PPM1H: variants seen among roughly 807,000 people sequenced by gnomAD.
The protein encoded by PPM1H is protein phosphatase 1H.
In PPM1H, 27 loss-of-function variants were observed where a neutral mutation model predicts 54.9. That is an observed-to-expected ratio of 0.49 (90% CI 0.36 to 0.68). The LOEUF (loss-of-function observed/expected upper bound fraction) is 0.68. PPM1H is among the 30% of genes least tolerant of loss of function. The pLI is 0.00. For synonymous variants in PPM1H, 305 were observed against 270.8 expected (o/e 1.13, Z -1.24); for missense variants, 596 against 667.8 (o/e 0.89, Z 1.19).
chr12:62,789,395 G>A (rs1286296530), intron 3 of PPM1H, among the ~76,000 whole-genome samples: 7 of 152,194 alleles, frequency 4.6e-5, no homozygotes, highest in Admixed American at 4.6e-4. Flanking sequence ...ACAGGCAGGA[G>A]TCAAGCCATG....
intron 4 of PPM1H, among the ~76,000 whole-genome samples, chr12:62,777,669 C>CA (rs2076619247): frequency 6.6e-6 from 1 of 151,914 alleles, no homozygotes; most frequent in African/African-American, 2.4e-5. Flanking sequence ...AAAAACATAC[C>CA]AAAGAACTGC....
chr12:62,679,010 C>G (rs1209781027), intron 8 of PPM1H, among the ~76,000 whole-genome samples: 1 of 151,886 alleles, frequency 6.6e-6, no homozygotes. Flanking sequence ...TTTTTTGAGA[C>G]AGAGTCTCGC....
At chr12:62,779,816 T>A (rs1364237255) in intron 4 of PPM1H, among the ~76,000 whole-genome samples, 3 of 152,238 alleles carry the variant, frequency 2.0e-5, no homozygotes, top group Non-Finnish European at 4.4e-5. Flanking sequence ...ACCCCATAAC[T>A]GACAAATATT....
intron 4 of PPM1H, among the ~76,000 whole-genome samples, chr12:62,757,029 T>C (rs1592582824): frequency 6.6e-6 from 1 of 151,916 alleles, no homozygotes; most frequent in Admixed American, 6.6e-5. Context: ...GGGGAAAGGG[T>C]GGATGACCAG....
chr12:62,689,811 G>A lies in PPM1H; in HGVS notation c.1138-5C>T, dbSNP rs1431569428. Reference sequence around the variant, plus strand: ...AATAGTTGCCATTACCCGGGCCTAGGAGTATAAGCAGAGGGTCATCAGAAA... The same window carrying A: ...AATAGTTGCCATTACCCGGGCCTAGAAGTATAAGCAGAGGGTCATCAGAAA... On this transcript the variant is annotated splice_region_variant and splice_polypyrimidine_tract_variant and intron_variant, in intron 7 of 9. Coordinates refer to ENST00000228705, the MANE Select transcript of PPM1H (RefSeq NM_020700.2). 1.1e-5 allele frequency: 17 copies of A among 1,605,066 alleles called. No homozygotes were observed. Among genetic ancestry groups the A allele is most frequent in the Non-Finnish European group, 1.4e-5 (17 of 1,173,172 alleles).
At chr12:62,901,064 C>T (rs1005902413) in intron 1 of PPM1H, among the ~76,000 whole-genome samples, 1 of 152,208 alleles carries the variant, frequency 6.6e-6, no homozygotes, top group Non-Finnish European at 1.5e-5. Flanking sequence ...AGTCATCCGC[C>T]TCTATTTCCA....
chr12:62,732,341 A>G (rs944494421), intron 5 of PPM1H, among the ~76,000 whole-genome samples: 1 of 152,196 alleles, frequency 6.6e-6, no homozygotes, highest in Non-Finnish European at 1.5e-5. Context: ...CACATCCATC[A>G]TCTTGTAATC....
chr12:62,682,547 G>T (rs570145333), intron 8 of PPM1H, among the ~76,000 whole-genome samples: 1 of 152,274 alleles, frequency 6.6e-6, no homozygotes, highest in South Asian at 2.1e-4. Flanking sequence ...TGTCACCAAG[G>T]CTCGAGAGCA....
At chr12:62,690,589 T>C (rs2076077113) in intron 7 of PPM1H, among the ~76,000 whole-genome samples, 2 of 152,210 alleles carry the variant, frequency 1.3e-5, no homozygotes, top group African/African-American at 4.8e-5. Flanking sequence ...ATGCTGAAGA[T>C]CTGATTTACC....
chr12:62,678,987 C>T lies in PPM1H; in HGVS notation c.1245+10712G>A, dbSNP rs114571404. On this transcript the variant is annotated intron_variant, in intron 8 of 9. Coordinates refer to ENST00000228705, the MANE Select transcript of PPM1H (RefSeq NM_020700.2). ...CAGGCAGCAGCTACCACACCCAGCC[C>T]GTATACTCTTTGTTTTTTGAGACAG... Among the ~76,000 whole-genome samples the T allele has an allele frequency of 9.0e-3, 1,369 of 151,798 alleles. 24 individuals carry two copies. The highest frequency in any genetic ancestry group is 0.031 in the African/African-American group (1,285 of 41,414).
At chr12:62,861,751 C>G (rs575338935) in intron 1 of PPM1H, among the ~76,000 whole-genome samples, 2 of 152,248 alleles carry the variant, frequency 1.3e-5, no homozygotes, top group South Asian at 4.1e-4. Flanking sequence ...ATTTCCTGGG[C>G]CAGAATGCTG....
At chr12:62,814,642 T>G (rs1418439831) in intron 2 of PPM1H, among the ~76,000 whole-genome samples, 1 of 152,210 alleles carries the variant, frequency 6.6e-6, no homozygotes, top group Non-Finnish European at 1.5e-5. Context: ...TATTCTTCCC[T>G]TTGCCACCCT....
In PPM1H at chr12:62,669,969, C is replaced by CTTTTTTTTTTTT. The variant is rs1161094944; in HGVS notation, c.1246-2652_1246-2641dup. Reference sequence around the variant, plus strand: ...AAAATAGTGTTTAGAGGATTGATTCCTTTTTTTTTTTTTTTTTTTTTTTTT... The same window carrying CTTTTTTTTTTTT: ...AAAATAGTGTTTAGAGGATTGATTCCTTTTTTTTTTTTTTTTTTTTTTTTTTTTTTTTTTTTT... On this transcript the variant is annotated intron_variant, in intron 8 of 9. Coordinates refer to ENST00000228705, the MANE Select transcript of PPM1H (RefSeq NM_020700.2). 4.5e-4 allele frequency among the ~76,000 whole-genome samples: 21 copies of CTTTTTTTTTTTT among 46,428 alleles called. 3 individuals are homozygous for CTTTTTTTTTTTT. Among genetic ancestry groups the CTTTTTTTTTTTT allele is most frequent in the African/African-American group, 2.1e-3 (18 of 8,780 alleles). The allele number at this position is 46,428 out of a possible 152,430, so 30.5% of individuals were successfully genotyped here. A position where few individuals can be genotyped will look rare whatever the true frequency, so the allele number is the denominator to read the frequency against.
chr12:62,845,809 G>A (rs1868944515), intron 1 of PPM1H, among the ~76,000 whole-genome samples: 1 of 152,154 alleles, frequency 6.6e-6, no homozygotes, highest in Admixed American at 6.5e-5. Flanking sequence ...TTTGCATGTT[G>A]CACAACATGC....
intron 6 of PPM1H, among the ~76,000 whole-genome samples, chr12:62,710,053 A>G (rs1202834810): frequency 2.6e-5 from 4 of 152,218 alleles, no homozygotes; most frequent in Middle Eastern, 3.4e-3. Flanking sequence ...CAGCCTGGGC[A>G]ACAAGAGTGA....
intron 3 of PPM1H, among the ~76,000 whole-genome samples, chr12:62,796,180 A>G (rs1276632962): frequency 6.6e-6 from 1 of 152,208 alleles, no homozygotes; most frequent in Non-Finnish European, 1.5e-5. Context: ...AACAACCAAT[A>G]CAGAAGACTT....
chr12:62,696,867 C>G (rs2076117779), intron 6 of PPM1H, among the ~76,000 whole-genome samples: 1 of 152,090 alleles, frequency 6.6e-6, no homozygotes, highest in African/African-American at 2.4e-5. Context: ...GAAAACATGA[C>G]AAAGAAATGT....
chr12:62,730,057 A>AC (rs1349676204), intron 5 of PPM1H, among the ~76,000 whole-genome samples: 17 of 151,442 alleles, frequency 1.1e-4, no homozygotes, highest in East Asian at 1.9e-4. Context: ...GCACCCTGTG[A>AC]CCCCCACTCT....
chr12:62,685,582 T>A (rs751790903), intron 8 of PPM1H, among the ~76,000 whole-genome samples: 1 of 152,178 alleles, frequency 6.6e-6, no homozygotes, highest in Non-Finnish European at 1.5e-5. Flanking sequence ...CCTCACAGTG[T>A]TGTTGTGAAG....
Sources: gnomAD v4.1 joint callset for allele counts (sites outside exome capture counted in the v4.1 genomes callset) on GRCh38, gnomAD v4.1.1 for gene constraint, MANE v1.5 for transcripts, NCBI Gene and HGNC (gene_info 2026-07-23, HGNC 2026-07-21) for gene names.